The following GATAD2B variants were observed in gnomAD, a reference collection of about 807,000 sequenced individuals.
The protein encoded by GATAD2B is GATA zinc finger domain containing 2B.
A neutral mutation model predicts 64.3 loss-of-function variants in GATAD2B; 8 were observed. That is an observed-to-expected ratio of 0.12 (90% confidence interval 0.07 to 0.22). The LOEUF is 0.22. Ranked by LOEUF, GATAD2B falls within the 10% of genes least tolerant of loss-of-function variation. The pLI is 1.00. For missense variants in GATAD2B, 453 were observed against 752.0 expected, an observed-to-expected ratio of 0.60 and a Z score of 4.65; for synonymous variants, 281 against 271.3, an observed-to-expected ratio of 1.04 and a Z score of -0.35.
chr1:153,878,774 CTT>C (rs71093297), intron 1 of GATAD2B, among the ~76,000 whole-genome samples: 8 of 108,134 alleles, frequency 7.4e-5, no homozygotes, highest in South Asian at 3.1e-4. Flanking sequence ...TACTTTATTC[CTT>C]TTTTTTTTTT....
At position 153,835,826 on chromosome 1, in the gene GATAD2B, G is replaced by A. The variant is rs548404395; in HGVS notation, c.-1-7478C>T. 9.2e-5 allele frequency among the ~76,000 whole-genome samples: 14 copies of A among 151,898 alleles called. No individual in the cohort carries two copies. In the South Asian group the frequency reaches 2.9e-3, roughly 32 times the overall value. On this transcript the variant is annotated intron_variant, in intron 1 of 10. Coordinates refer to ENST00000368655, the MANE Select transcript of GATAD2B (RefSeq NM_020699.4). ...CAACCTCTGCCTCCTGAGTTCAAGC[G>A]ATTCTACTGCCTCAGCCTCCTGAGT...
At chr1:153,849,331 T>C (rs1675806663) in intron 1 of GATAD2B, among the ~76,000 whole-genome samples, 1 of 152,134 alleles carries the variant, frequency 6.6e-6, no homozygotes, top group African/African-American at 2.4e-5. Flanking sequence ...CCCATGAGGG[T>C]AAAGCCCTAA....
chr1:153,914,313 T>C (rs1451882245), intron 1 of GATAD2B, among the ~76,000 whole-genome samples: 1 of 151,880 alleles, frequency 6.6e-6, no homozygotes, highest in East Asian at 1.9e-4. Flanking sequence ...TACAGTGCTT[T>C]ACAGTTTATA....
At chr1:153,910,509 G>C (rs1467050977) in intron 1 of GATAD2B, among the ~76,000 whole-genome samples, 1 of 152,160 alleles carries the variant, frequency 6.6e-6, no homozygotes, top group Admixed American at 6.6e-5. Flanking sequence ...GGAGGCCAAG[G>C]TGGGTGGATC....
chr1:153,824,087 G>C (rs573702843), intron 2 of GATAD2B, among the ~76,000 whole-genome samples: 5 of 152,214 alleles, frequency 3.3e-5, no homozygotes, highest in African/African-American at 1.2e-4. Flanking sequence ...AGTATATCTG[G>C]AGTCCCAAGC....
chr1:153,826,331 T>C (rs560713062), intron 2 of GATAD2B, among the ~76,000 whole-genome samples: 2 of 152,184 alleles, frequency 1.3e-5, no homozygotes, highest in South Asian at 4.1e-4. Flanking sequence ...AACTGAATGT[T>C]TTAAAAGCTA....
chr1:153,915,741 TAAA>T (rs56236211), intron 1 of GATAD2B, among the ~76,000 whole-genome samples: 4 of 98,096 alleles, frequency 4.1e-5, no homozygotes, highest in Admixed American at 1.1e-4. Context: ...CTTGTCTATA[TAAA>T]AAAAAAAAAA....
chr1:153,812,318 A>C (rs1207483760), intron 8 of GATAD2B, 186 bp from the exon 9 acceptor site: 2 of 550,088 alleles, frequency 3.6e-6, no homozygotes, highest in Non-Finnish European at 6.4e-6. Context: ...GGCATGAATC[A>C]CTGCACCTGG....
At chr1:153,903,746 G>A (rs1378304364) in intron 1 of GATAD2B, among the ~76,000 whole-genome samples, 1 of 151,670 alleles carries the variant, frequency 6.6e-6, no homozygotes, top group African/African-American at 2.4e-5. Context: ...CACTTCGAGA[G>A]GCTGAGGCGG....
intron 1 of GATAD2B, among the ~76,000 whole-genome samples, chr1:153,916,411 T>G (rs191328370): frequency 7.9e-5 from 12 of 152,166 alleles, no homozygotes; most frequent in Admixed American, 2.6e-4. Context: ...CAGAAATATT[T>G]AGAAAGTAAT....
intron 1 of GATAD2B, among the ~76,000 whole-genome samples, chr1:153,920,140 G>C (rs1043983213): frequency 6.6e-6 from 1 of 152,216 alleles, no homozygotes; most frequent in Non-Finnish European, 1.5e-5. Flanking sequence ...CTCCAGCTTG[G>C]TGGGTGGGGG....
At chr1:153,847,966 A>G (rs574814441) in intron 1 of GATAD2B, among the ~76,000 whole-genome samples, 1 of 152,134 alleles carries the variant, frequency 6.6e-6, no homozygotes. Context: ...GTAACTGTAA[A>G]ACAAACAAAC....
chr1:153,873,873 T>C (rs1260420931), intron 1 of GATAD2B, among the ~76,000 whole-genome samples: 2 of 151,452 alleles, frequency 1.3e-5, no homozygotes, highest in African/African-American at 4.9e-5. Context: ...TGCTTGAGCC[T>C]AGGAGTTCAA....
chr1:153,811,620 TAA>T, intron 10 of GATAD2B, 109 bp downstream of exon 10: 1 of 768,314 alleles, frequency 1.3e-6, no homozygotes. Context: ...GTGTATGCCC[TAA>T]AGAAAGAACA....
chr1:153,845,144 T>C (rs1298830627), intron 1 of GATAD2B, among the ~76,000 whole-genome samples: 1 of 152,132 alleles, frequency 6.6e-6, no homozygotes, highest in African/African-American at 2.4e-5. Flanking sequence ...TGAAAACCAG[T>C]GTCTGAGATG....
At chr1:153,911,891 C>T (rs1678118473) in intron 1 of GATAD2B, among the ~76,000 whole-genome samples, 1 of 152,186 alleles carries the variant, frequency 6.6e-6, no homozygotes. Flanking sequence ...TCCTTTTATA[C>T]CCTCAACACA....
chr1:153,907,226 T>C (rs923371935), intron 1 of GATAD2B, among the ~76,000 whole-genome samples: 4 of 152,206 alleles, frequency 2.6e-5, no homozygotes, highest in Non-Finnish European at 5.9e-5. Flanking sequence ...GCAGCCTTGT[T>C]TGCAACAGCC....
At chr1:153,819,973 C>T (rs915604006) in intron 2 of GATAD2B, among the ~76,000 whole-genome samples, 1 of 151,982 alleles carries the variant, frequency 6.6e-6, no homozygotes, top group Non-Finnish European at 1.5e-5. Flanking sequence ...CGGCGCGCAC[C>T]TGTAGTCCCA....
At chr1:153,811,946 C>T in intron 9 of GATAD2B, 76 bp downstream of exon 9, 1 of 1,285,012 alleles carries the variant, frequency 7.8e-7, no homozygotes, top group Non-Finnish European at 1.1e-6. Context: ...TGATTTCCCA[C>T]AATAGAAAGG....
Sources: allele counts gnomAD v4.1 joint callset (sites outside exome capture counted in the v4.1 genomes callset), GRCh38; gene constraint gnomAD v4.1.1; transcripts MANE v1.5; gene names NCBI Gene and HGNC (gene_info 2026-07-23, HGNC 2026-07-21).